The following COLEC11 variants were observed in gnomAD, a reference collection of about 807,000 sequenced individuals.
COLEC11 encodes collectin-11.
In COLEC11, 20 loss-of-function variants were observed where a neutral mutation model predicts 27.3. That is an observed-to-expected ratio of 0.73 (90% CI 0.51 to 1.06). The LOEUF (loss-of-function observed/expected upper bound fraction) is 1.06, where lower values mean the gene tolerates loss of function less well. Ranked by LOEUF, COLEC11 falls within the 50% of genes least tolerant of loss-of-function variation. The pLI is 0.00. For missense variants in COLEC11, 310 were observed against 383.0 expected, an observed-to-expected ratio of 0.81 and a Z score of 1.59; for synonymous variants, 163 against 154.7, an observed-to-expected ratio of 1.05 and a Z score of -0.40.
chr2:3,596,009 C>T (rs933753761), intron 1 of COLEC11, among the ~76,000 whole-genome samples: 6 of 152,142 alleles, frequency 3.9e-5, no homozygotes, highest in African/African-American at 7.2e-5. Flanking sequence ...GAGAGCACAC[C>T]GGTAATGTGC....
At position 3,641,181 on chromosome 2, in the gene COLEC11, G is replaced by C. The variant is rs1341945878; in HGVS notation, c.328+850G>C. On this transcript the variant is annotated intron_variant, in intron 5 of 6. Transcript: ENST00000349077. The stretch of plus-strand genomic sequence containing the variant: ...GCTTTCCGAGAAGGATCTGACTCTT[G>C]GATACCAGGGAGAAAAGAGAGGGGC... 6.2e-6 allele frequency: 8 copies of C among 1,286,444 alleles called. No individual in the cohort carries two copies. The East Asian group carries it at 4.5e-4, about 72-fold the overall frequency. 79.7% of individuals were successfully genotyped at this position (1,286,444 alleles called of 1,614,324 possible). A position where few individuals can be genotyped will look rare whatever the true frequency, so the allele number is the denominator to read the frequency against.
chr2:3,615,823 TCCC>T (rs1663645204), intron 3 of COLEC11, among the ~76,000 whole-genome samples: 1 of 26,416 alleles, frequency 3.8e-5, no homozygotes, highest in Non-Finnish European at 1.1e-4. Flanking sequence ...CCCACCTCCC[TCCC>T]GGACGCGGCG....
chr2:3,598,707 C>T (rs1159180007), intron 1 of COLEC11, among the ~76,000 whole-genome samples: 3 of 151,952 alleles, frequency 2.0e-5, no homozygotes, highest in East Asian at 1.9e-4. Context: ...AGGCTGGAGG[C>T]GGACCGTGGG....
intron 4 of COLEC11, among the ~76,000 whole-genome samples, 162 bp downstream of exon 4, chr2:3,637,766 T>C (rs1483594534): frequency 2.0e-5 from 3 of 152,160 alleles, no homozygotes; most frequent in African/African-American, 7.2e-5. Flanking sequence ...ATTTTTGGGG[T>C]GCTTGGAGCT....
intron 3 of COLEC11, among the ~76,000 whole-genome samples, chr2:3,629,210 A>G (rs562286457): frequency 6.6e-6 from 1 of 152,368 alleles, no homozygotes; most frequent in South Asian, 2.1e-4. Flanking sequence ...AGTCAGCTAC[A>G]GAAAAGGTTG....
At chr2:3,612,258 G>GCACACATGCA (rs771693187) in intron 2 of COLEC11, among the ~76,000 whole-genome samples, 13 of 151,212 alleles carry the variant, frequency 8.6e-5, no homozygotes, top group Non-Finnish European at 1.9e-4. Context: ...GCACACGCAT[G>GCACACATGCA]CACACATGCA....
At chr2:3,641,250 A>C in intron 5 of COLEC11, 1 of 1,304,346 alleles carries the variant, frequency 7.7e-7, no homozygotes, top group South Asian at 1.2e-5. Flanking sequence ...CTCCTTCGGC[A>C]CCGCAGAGAT....
At chr2:3,604,741 C>G (rs940308889) in intron 2 of COLEC11, among the ~76,000 whole-genome samples, 1 of 152,228 alleles carries the variant, frequency 6.6e-6, no homozygotes, top group South Asian at 2.1e-4. Context: ...CCTGGCTTTC[C>G]GTCAGACCCT....
chr2:3,617,449 C>G (rs1663846531), intron 3 of COLEC11: 1 of 1,242,718 alleles, frequency 8.0e-7, no homozygotes, highest in Non-Finnish European at 1.2e-6. Context: ...AAACTTGATC[C>G]AATCTCTTTG....
At position 3,644,518 on chromosome 2, in the gene COLEC11, T is replaced by C. The variant is rs1666126818; in HGVS notation, c.*400T>C. 1 of 464,652 alleles carries C rather than the reference T, an allele frequency of 2.2e-6. No individual in the cohort carries two copies. Among genetic ancestry groups the C allele is most frequent in the South Asian group, 1.6e-5 (1 of 63,830 alleles). The allele number at this position is 464,652 out of a possible 1,614,324, so 28.8% of individuals were successfully genotyped here. A position where few individuals can be genotyped will look rare whatever the true frequency, so the allele number is the denominator to read the frequency against. On this transcript the variant is annotated 3_prime_UTR_variant, in exon 7 of 7. Coordinates refer to ENST00000349077, the MANE Select transcript of COLEC11 (RefSeq NM_024027.5). ...ATTTCTATATGGAAAAGAACTCACT[T>C]TGACCAACACTTCTGTAAATTACAT...
intron 2 of COLEC11, chr2:3,606,160 A>G (rs1309547074): frequency 2.6e-6 from 4 of 1,550,328 alleles, no homozygotes; most frequent in Non-Finnish European, 3.5e-6. Flanking sequence ...GGAGAGCTGG[A>G]CTTTTGGCTG....
rs531902705 is a variant in COLEC11, at chr2:3,598,613, C to T, written c.-27+3445C>T. Among the ~76,000 whole-genome samples the T allele has an allele frequency of 1.3e-3, 194 of 152,206 alleles. 2 individuals carry two copies. The highest frequency in any genetic ancestry group is 3.9e-3 in the African/African-American group (162 of 41,484). Reference sequence around the variant, plus strand: ...GGTGGGGTCCTGGGTTTCCGCTTTTCGGTTGCCCTTATTGTTCTAATATCC... The same window carrying T: ...GGTGGGGTCCTGGGTTTCCGCTTTTTGGTTGCCCTTATTGTTCTAATATCC... On this transcript the variant is annotated intron_variant, in intron 1 of 6. Transcript: ENST00000349077.
chr2:3,600,081 C>T (rs1662109063), intron 1 of COLEC11, among the ~76,000 whole-genome samples: 2 of 151,678 alleles, frequency 1.3e-5, no homozygotes, highest in Non-Finnish European at 2.9e-5. Flanking sequence ...TAAAAATACA[C>T]AAAATTAGCC....
chr2:3,606,011 T>C (rs1249259202), intron 2 of COLEC11: 22 of 1,482,570 alleles, frequency 1.5e-5, no homozygotes, highest in Middle Eastern at 1.7e-4. Context: ...TGTTTAATTA[T>C]GTTGGAAGCA....
intron 5 of COLEC11, among the ~76,000 whole-genome samples, chr2:3,643,133 C>A (rs114510904): frequency 0.025 from 3,779 of 152,284 alleles, 132 homozygotes; most frequent in African/African-American, 0.077. Context: ...CACTGCACGC[C>A]CTCAGCCAGA....
At chr2:3,604,702 C>T (rs1662499948) in intron 2 of COLEC11, among the ~76,000 whole-genome samples, 1 of 152,182 alleles carries the variant, frequency 6.6e-6, no homozygotes, top group Admixed American at 6.5e-5. Context: ...GCAACTCAGC[C>T]CTCTCCGGGG....
At chr2:3,634,542 T>C (rs771134037) in intron 3 of COLEC11, among the ~76,000 whole-genome samples, 2 of 152,182 alleles carry the variant, frequency 1.3e-5, no homozygotes, top group Non-Finnish European at 2.9e-5. Flanking sequence ...GTTTTGGGCA[T>C]GTATAATGGG....
intron 2 of COLEC11, among the ~76,000 whole-genome samples, chr2:3,611,061 T>C (rs1211559835): frequency 6.6e-6 from 1 of 152,234 alleles, no homozygotes; most frequent in Non-Finnish European, 1.5e-5. Flanking sequence ...CTTTCATGGC[T>C]TTCCTTAGCA....
intron 2 of COLEC11, chr2:3,605,938 A>G (rs1018476055): frequency 1.1e-6 from 1 of 894,814 alleles, no homozygotes; most frequent in Non-Finnish European, 1.6e-6. Context: ...ACTGTCCTGC[A>G]GCCCAGACAA....
Sources: allele counts gnomAD v4.1 joint callset (sites outside exome capture counted in the v4.1 genomes callset), GRCh38; gene constraint gnomAD v4.1.1; transcripts MANE v1.5; gene names NCBI Gene and HGNC (gene_info 2026-07-23, HGNC 2026-07-21).